MMP26: variants seen among roughly 807,000 people sequenced by gnomAD.
MMP26 encodes matrix metalloproteinase-26.
MMP26 carries 33 observed loss-of-function variants against 31.0 expected under a neutral mutation model. The ratio of observed to expected loss-of-function variants is 1.06; its 90% CI spans 0.81 to 1.42. MMP26 has a LOEUF of 1.42. Among genes scored for constraint, MMP26 ranks in the 40% most tolerant of loss-of-function variants. The pLI, the probability that MMP26 is intolerant of heterozygous loss-of-function variation, is 0.00. For synonymous variants in MMP26, 122 were observed against 114.9 expected, an observed-to-expected ratio of 1.06 and a Z score of -0.40; for missense variants, 347 against 316.1, an observed-to-expected ratio of 1.10 and a Z score of -0.74.
At chr11:4,912,607 A>G (rs182101606) in intron 2 of MMP26, 2 of 152,320 alleles carry the variant, frequency 1.3e-5, no homozygotes, top group African/African-American at 4.8e-5. Context: ...ATGTTAATAC[A>G]CACAATTCAC....
intron 2 of MMP26, chr11:4,803,805 A>G (rs562233920): frequency 3.7e-6 from 6 of 1,613,006 alleles, no homozygotes; most frequent in Non-Finnish European, 5.1e-6. Context: ...TTGTATCAGC[A>G]CACACCAACT....
intron 2 of MMP26, among the ~76,000 whole-genome samples, chr11:4,816,759 A>G (rs918817090): frequency 4.5e-5 from 6 of 133,784 alleles, no homozygotes; most frequent in East Asian, 4.2e-4. Context: ...GCTGGAACTC[A>G]GTGGCGGGAT....
intron 2 of MMP26, among the ~76,000 whole-genome samples, chr11:4,899,343 A>G (rs576398932): frequency 2.0e-5 from 3 of 152,294 alleles, no homozygotes; most frequent in South Asian, 2.1e-4. Context: ...ACGATCATGA[A>G]AAGTTTGTGA....
intron 2 of MMP26, among the ~76,000 whole-genome samples, chr11:4,986,275 T>C (rs1461609587): frequency 1.3e-5 from 2 of 152,152 alleles, no homozygotes; most frequent in Non-Finnish European, 1.5e-5. Context: ...AATTGCCTTA[T>C]AATAAGCCCT....
At chr11:4,716,632 A>C (rs1009364947) in intron 1 of MMP26, among the ~76,000 whole-genome samples, 3 of 123,626 alleles carry the variant, frequency 2.4e-5, no homozygotes, top group Admixed American at 1.7e-4. Flanking sequence ...ATAATTCCAT[A>C]CTTGATCTCT....
chr11:4,882,924 A>G (rs1246377489), intron 2 of MMP26: 4 of 1,533,498 alleles, frequency 2.6e-6, no homozygotes, highest in Middle Eastern at 1.7e-4. Flanking sequence ...CTTTGGAAAG[A>G]AAGGGACTTG....
intron 2 of MMP26, among the ~76,000 whole-genome samples, chr11:4,965,986 C>A (rs1226769087): frequency 1.3e-5 from 2 of 152,048 alleles, no homozygotes; most frequent in Admixed American, 1.3e-4. Flanking sequence ...ATTTTTTATA[C>A]CGTTTAAGCA....
intron 1 of MMP26, among the ~76,000 whole-genome samples, chr11:4,762,233 A>G (rs1848577193): frequency 6.6e-6 from 1 of 152,320 alleles, no homozygotes; most frequent in South Asian, 2.1e-4. Flanking sequence ...TATAGAAAAG[A>G]GAATTATATG....
intron 2 of MMP26, among the ~76,000 whole-genome samples, chr11:4,942,028 T>A (rs1846214875): frequency 7.2e-6 from 1 of 138,782 alleles, no homozygotes; most frequent in African/African-American, 2.8e-5. Context: ...GAGGTTGCAG[T>A]GAGTCAAGAT....
At chr11:4,907,825 C>CTAA in intron 2 of MMP26, 1 of 1,613,666 alleles carries the variant, frequency 6.2e-7, no homozygotes. Flanking sequence ...CCATTAGGAG[C>CTAA]ATTCTCTTAG....
rs115678688 is a variant in MMP26 at position 4,754,714 on chromosome 11, G to T, written c.-216-12556G>T. Among the ~76,000 whole-genome samples the T allele has an allele frequency of 2.2e-3, 338 of 152,058 alleles. 1 individual carries two copies. Among genetic ancestry groups the T allele is most frequent in the African/African-American group, 7.5e-3 (312 of 41,544 alleles). On this transcript the variant is annotated intron_variant, in intron 1 of 7. Transcript: ENST00000380390. ...GTTTGGCTATTTCTCCAAACATGTT[G>T]TCTATTTCTGTATACTTTCAACACA...
chr11:4,911,347 C>T (rs1293145664), intron 2 of MMP26, among the ~76,000 whole-genome samples: 1 of 152,092 alleles, frequency 6.6e-6, no homozygotes, highest in Non-Finnish European at 1.5e-5. Flanking sequence ...GTAGATCATC[C>T]CAAGTTGCAA....
At chr11:4,955,856 CTTTT>C in intron 2 of MMP26, 1 of 619,292 alleles carries the variant, frequency 1.6e-6, no homozygotes, top group Non-Finnish European at 2.9e-6. Context: ...TTTCAGCTTT[CTTTT>C]GAGAGAACAA....
At chr11:4,990,790 TAA>T (rs1357051742) in intron 5 of MMP26, 44 bp downstream of exon 5, 1 of 1,586,666 alleles carries the variant, frequency 6.3e-7, no homozygotes, top group South Asian at 1.2e-5. Context: ...ATGCCCTGTG[TAA>T]AGGACAAAGG....
chr11:4,970,062 T>G (rs1195765192), intron 2 of MMP26, among the ~76,000 whole-genome samples: 1 of 152,190 alleles, frequency 6.6e-6, no homozygotes, highest in Non-Finnish European at 1.5e-5. Context: ...CATGAATGCA[T>G]AAACACACAG....
chr11:4,782,453 A>G (rs1000927142), intron 2 of MMP26, among the ~76,000 whole-genome samples: 2 of 152,224 alleles, frequency 1.3e-5, no homozygotes, highest in African/African-American at 4.8e-5. Flanking sequence ...GCAGCAAAGC[A>G]TTCAAGAGGA....
chr11:4,957,922 C>T (rs983612095), intron 2 of MMP26, among the ~76,000 whole-genome samples: 8 of 152,022 alleles, frequency 5.3e-5, no homozygotes, highest in East Asian at 1.9e-4. Context: ...TCAGGTGATC[C>T]GCTTGCTTCA....
intron 2 of MMP26, chr11:4,770,001 A>C (rs979267284): frequency 1.0e-5 from 7 of 698,476 alleles, no homozygotes; most frequent in Non-Finnish European, 1.7e-5. Flanking sequence ...AAATATTTAG[A>C]TACATTTTCT....
intron 2 of MMP26, among the ~76,000 whole-genome samples, chr11:4,816,652 G>A (rs1030893488): frequency 3.4e-5 from 5 of 147,058 alleles, no homozygotes; most frequent in Non-Finnish European, 7.5e-5. Flanking sequence ...AACTGAATTA[G>A]TATGAAAGGA....
Sources: allele counts gnomAD v4.1 joint callset (sites outside exome capture counted in the v4.1 genomes callset), GRCh38; gene constraint gnomAD v4.1.1; transcripts MANE v1.5; gene names NCBI Gene and HGNC (gene_info 2026-07-23, HGNC 2026-07-21).